The following TMEM255B variants were observed in gnomAD, a reference collection of about 807,000 sequenced individuals.
The protein encoded by TMEM255B is transmembrane protein 255B, also known as family with sequence similarity 70, member B.
A neutral mutation model predicts 34.5 loss-of-function variants in TMEM255B; 35 were observed. The ratio of observed to expected loss-of-function variants is 1.01; its 90% CI spans 0.77 to 1.34. The LOEUF (loss-of-function observed/expected upper bound fraction) is 1.34, where lower values mean the gene tolerates loss of function less well. TMEM255B is among the 40% of genes most tolerant of loss of function. TMEM255B has a pLI of 0.00. For missense variants in TMEM255B, 432 were observed against 433.2 expected, an observed-to-expected ratio of 1.00 and a Z score of 0.02; for synonymous variants, 206 against 201.2, an observed-to-expected ratio of 1.02 and a Z score of -0.20.
intron 8 of TMEM255B, among the ~76,000 whole-genome samples, chr13:113,810,840 A>G (rs535680472): frequency 8.5e-5 from 13 of 152,326 alleles, no homozygotes; most frequent in African/African-American, 3.1e-4. Flanking sequence ...GGTGACACTG[A>G]ACCAGCCACA....
chr13:113,759,713 C>T (rs2050264491), intron 1 of TMEM255B, among the ~76,000 whole-genome samples: 1 of 152,170 alleles, frequency 6.6e-6, no homozygotes, highest in African/African-American at 2.4e-5. Context: ...CCGTTTATTC[C>T]AACCTACACC....
intron 1 of TMEM255B, 45 bp from the exon 2 acceptor site, chr13:113,766,070 T>A (rs2050382898): frequency 6.2e-7 from 1 of 1,609,988 alleles, no homozygotes; most frequent in Non-Finnish European, 8.5e-7. Flanking sequence ...GACGCCCTCC[T>A]GAGCCTGAGC....
At position 113,766,273 on chromosome 13, in the gene TMEM255B, G is replaced by T; in HGVS notation, c.189+16G>T. 1.9e-6 allele frequency: 3 copies of T among 1,613,524 alleles called. No individual in the cohort carries two copies. Among genetic ancestry groups the T allele is most frequent in the Non-Finnish European group, 1.7e-6 (2 of 1,179,698 alleles). On this transcript the variant is annotated intron_variant, in intron 2 of 8. Transcript: ENST00000375353. ...AGGGATCATTGTGAGTGCGCCGGGCGGGCGGCCTGGGCCGGGGAGGGCAGG... is the reference window on the plus strand; with the variant it reads ...AGGGATCATTGTGAGTGCGCCGGGCTGGCGGCCTGGGCCGGGGAGGGCAGG...
At chr13:113,764,425 C>T (rs892115240) in intron 1 of TMEM255B, among the ~76,000 whole-genome samples, 31 of 152,326 alleles carry the variant, frequency 2.0e-4, no homozygotes, top group African/African-American at 7.0e-4. Context: ...CTCCCTGGCC[C>T]GCACCGGGCT....
chr13:113,776,633 G>C (rs541746956), intron 3 of TMEM255B, among the ~76,000 whole-genome samples: 15 of 152,314 alleles, frequency 9.8e-5, no homozygotes, highest in African/African-American at 3.6e-4. Flanking sequence ...GAGCAGCCTT[G>C]CCTCCCTGGG....
At chr13:113,780,493 A>G (rs2138541687) in intron 3 of TMEM255B, among the ~76,000 whole-genome samples, 1 of 152,352 alleles carries the variant, frequency 6.6e-6, no homozygotes, top group East Asian at 1.9e-4. Flanking sequence ...AGCTGTCAAT[A>G]GCTCGCAAGA....
chr13:113,795,067 G>T, intron 3 of TMEM255B, 81 bp from the exon 4 acceptor site: 2 of 1,323,598 alleles, frequency 1.5e-6, no homozygotes, highest in Non-Finnish European at 2.1e-6. Flanking sequence ...CCCCGACCTC[G>T]AGCTGGGACT....
intron 1 of TMEM255B, among the ~76,000 whole-genome samples, chr13:113,760,944 A>G (rs2050297674): frequency 1.7e-5 from 2 of 118,264 alleles, no homozygotes; most frequent in South Asian, 3.1e-4. Flanking sequence ...CTGGAGGTAG[A>G]TTGTGGGTTT....
rs1352732316 is a variant in TMEM255B at position 113,796,711 on chromosome 13, C to T, written c.342+1474C>T. On this transcript the variant is annotated intron_variant, in intron 4 of 8. Transcript: ENST00000375353. The stretch of plus-strand genomic sequence containing the variant: ...CTGGCTGGGCTCCTGGGTGGGCTCT[C>T]GCCATCTGGGCGTCAGCTGGTCCCC... 7.2e-5 allele frequency among the ~76,000 whole-genome samples: 11 copies of T among 152,344 alleles called. No individual in the cohort carries two copies. The South Asian group carries it at 2.3e-3, about 32-fold the overall frequency.
chr13:113,763,437 C>G (rs894641298), intron 1 of TMEM255B, among the ~76,000 whole-genome samples: 1 of 152,168 alleles, frequency 6.6e-6, no homozygotes, highest in Non-Finnish European at 1.5e-5. Context: ...TTTCTCACCT[C>G]GACTTCCCGA....
At chr13:113,791,403 G>A (rs202138578) in intron 3 of TMEM255B, among the ~76,000 whole-genome samples, 5 of 152,204 alleles carry the variant, frequency 3.3e-5, no homozygotes, top group East Asian at 1.9e-4. Context: ...GGATGGCTTC[G>A]GCTCCCACTA....
At chr13:113,789,069 C>G (rs934549319) in intron 3 of TMEM255B, among the ~76,000 whole-genome samples, 2 of 152,116 alleles carry the variant, frequency 1.3e-5, no homozygotes, top group Non-Finnish European at 2.9e-5. Context: ...GACCCAGCCG[C>G]CCTCTTGAGG....
intron 7 of TMEM255B, among the ~76,000 whole-genome samples, chr13:113,802,634 C>A (rs2051087113): frequency 8.4e-6 from 1 of 118,726 alleles, no homozygotes; most frequent in Non-Finnish European, 2.0e-5. Context: ...TCTCCATGCC[C>A]TATTCGTCCC....
At chr13:113,771,621 G>A (rs536874257) in intron 3 of TMEM255B, among the ~76,000 whole-genome samples, 14 of 152,266 alleles carry the variant, frequency 9.2e-5, no homozygotes, top group African/African-American at 1.9e-4. Context: ...AGAGGTTGCG[G>A]TGAGCCGAGA....
chr13:113,776,920 A>G (rs1029829866), intron 3 of TMEM255B, among the ~76,000 whole-genome samples: 3 of 152,130 alleles, frequency 2.0e-5, no homozygotes, highest in Non-Finnish European at 2.9e-5. Context: ...GCCAACGCCT[A>G]TGGATGCATT....
chr13:113,778,448 C>A (rs772409054), intron 3 of TMEM255B, among the ~76,000 whole-genome samples: 4 of 151,802 alleles, frequency 2.6e-5, no homozygotes, highest in Non-Finnish European at 4.4e-5. Flanking sequence ...GGTACTGTGG[C>A]ATCTTCTCCC....
Position 113,811,814 on chromosome 13 carries a change from T to A in TMEM255B, c.892T>A (p.Ser298Thr). 6.2e-7 allele frequency: 1 copy of A among 1,613,914 alleles called. No individual in the cohort carries two copies. The highest frequency in any genetic ancestry group is 1.1e-5 in the South Asian group (1 of 91,078). Residue 298 changes from serine to threonine, a missense_variant, in exon 9 of 9, where the codon TCT becomes ACT. By Grantham distance (58) the Ser-to-Thr change is moderately conservative. Transcript: ENST00000375353. ...CCTGCAGCCCCCTTCTCCAAGCAGC[T>A]CTGGCTCTGGGCTTCCCGGCCAGGC... ...EDLQPPSPSS[S>T]GSGLPGQAPP... is the part of the protein sequence containing the mutation.
rs1196046462 is a variant in TMEM255B, at chr13:113,816,838, C to A, written c.*4935C>A. Reference sequence around the variant, plus strand: ...ACCATGGAGCGGACCCTCCCCCTCTCCCCTCGTGGAGTCCTTGACCCTGGG... The same window carrying A: ...ACCATGGAGCGGACCCTCCCCCTCTACCCTCGTGGAGTCCTTGACCCTGGG... On this transcript the variant is annotated 3_prime_UTR_variant, in exon 9 of 9. Coordinates refer to ENST00000375353, the MANE Select transcript of TMEM255B (RefSeq NM_182614.4). The A allele has an allele frequency of 6.6e-6, 1 of 152,224 alleles. No individual in the cohort carries two copies. Among genetic ancestry groups the A allele is most frequent in the Non-Finnish European group, 1.5e-5 (1 of 68,076 alleles). 9.4% of individuals were successfully genotyped at this position (152,224 alleles called of 1,614,324 possible).
At position 113,768,217 on chromosome 13, in the gene TMEM255B, G is replaced by T. The variant is rs757998429; in HGVS notation, c.190-881G>T. On this transcript the variant is annotated intron_variant, in intron 2 of 8. Transcript: ENST00000375353. Reference sequence around the variant, plus strand: ...GGGAGCAAGAGCCGTCTTAGGCCTCGGCACGGTCGTTGGCAGGTCCATGTT... The same window carrying T: ...GGGAGCAAGAGCCGTCTTAGGCCTCTGCACGGTCGTTGGCAGGTCCATGTT... 6 of 470,600 alleles carry T rather than the reference G, an allele frequency of 1.3e-5. No homozygotes were observed. In the Admixed American group the frequency reaches 1.4e-4, roughly 11 times the overall value. The allele number at this position is 470,600 out of a possible 1,614,324, so 29.2% of individuals were successfully genotyped here. A position where few individuals can be genotyped will look rare whatever the true frequency, so the allele number is the denominator to read the frequency against.
Sources: allele counts gnomAD v4.1 joint callset (sites outside exome capture counted in the v4.1 genomes callset), GRCh38; gene constraint gnomAD v4.1.1; transcripts MANE v1.5; gene names NCBI Gene and HGNC (gene_info 2026-07-23, HGNC 2026-07-21).